LHX8: variants seen among roughly 807,000 people sequenced by gnomAD.
The protein encoded by LHX8 is LIM/homeobox protein Lhx8.
A neutral mutation model predicts 40.3 loss-of-function variants in LHX8; 12 were observed. The observed-to-expected ratio is 0.30, with a 90% confidence interval of 0.19 to 0.48. The LOEUF (loss-of-function observed/expected upper bound fraction) is 0.48. Ranked by LOEUF, LHX8 falls within the 20% of genes least tolerant of loss-of-function variation. The pLI is 0.99. For missense variants in LHX8, 344 were observed against 433.7 expected (o/e 0.79, Z 1.84); for synonymous variants, 179 against 162.0 (o/e 1.10, Z -0.80).
At position 75,141,010 on chromosome 1, in the gene LHX8, G is replaced by C; in HGVS notation, c.263G>C (p.Arg88Pro). Residue 88 changes from arginine to proline, a missense_variant, in exon 4 of 9, where the codon CGG becomes CCG. Arg to Pro is a moderately radical substitution (Grantham distance 103, BLOSUM62 -2). This residue lies in a region of LHX8 where 147 missense variants were observed against 250.8 expected (regional missense o/e 0.59). Coordinates refer to ENST00000356261, the MANE Select transcript of LHX8 (RefSeq NM_001256114.2). ...LKVNDLCWHV[R>P]CLSCSVCRTS... ...GTGAATGACCTATGCTGGCATGTCC[G>C]GTGTCTCTCCTGCAGTGTTTGCAGA... 1 of 1,613,398 alleles carries C rather than the reference G, an allele frequency of 6.2e-7. No homozygotes were observed. The highest frequency in any genetic ancestry group is 8.5e-7 in the Non-Finnish European group (1 of 1,179,556).
rs1276222256 is a variant in LHX8, at chr1:75,157,035, A to G, written c.923A>G (p.Gln308Arg). The change falls in exon 8 of 9, where the codon CAA (glutamine) becomes CGA (arginine). Residue 308 changes from glutamine to arginine, a missense_variant. Gln to Arg is a conservative substitution (Grantham distance 43, BLOSUM62 1). This residue lies in a region of LHX8 where 89 missense variants were observed against 92.8 expected (regional missense o/e 0.96). Transcript: ENST00000356261. ...ATGGCTTATTCTGCCTACGTGCCCC[A>G]AGATGGAACGATGTTAACTGCGCTG... is the stretch of plus-strand genomic sequence containing the variant. ...EEMAYSAYVP[Q>R]DGTMLTALHS... 2 of 1,614,168 alleles carry G rather than the reference A, an allele frequency of 1.2e-6. No individual in the cohort carries two copies. The highest frequency in any genetic ancestry group is 1.6e-4 in the Middle Eastern group (1 of 6,062).
At chr1:75,143,019 A>G (rs955528799) in intron 4 of LHX8, 99 bp from the exon 5 acceptor site, 10 of 899,844 alleles carry the variant, frequency 1.1e-5, no homozygotes, top group Non-Finnish European at 1.3e-5. Flanking sequence ...TACTTAGGTT[A>G]TTTCAATGGG....
upstream of LHX8, chr1:75,131,037 G>GGCGGTGA: frequency 2.2e-6 from 1 of 447,190 alleles, no homozygotes; most frequent in Non-Finnish European, 4.1e-6. Context: ...CCTGGAGGTG[G>GGCGGTGA]GCGGTGAGGG....
At chr1:75,193,645 A>C in the LHX8 span, among the ~76,000 whole-genome samples, 3 of 152,204 alleles carry the variant, frequency 2.0e-5, no homozygotes, top group African/African-American at 7.2e-5. Flanking sequence ...TTCGTAGTAA[A>C]TAAAATCTCT....
In LHX8 at chr1:75,149,812, G is replaced by T. The variant is rs115488759; in HGVS notation, c.780+1130G>T. ...TCCTCCTCCCTTGGCCTCCCAAAGT[G>T]CTGGAATTATTGGCAATGAGCCACC... On this transcript the variant is annotated intron_variant, in intron 7 of 8. Coordinates refer to ENST00000356261, the MANE Select transcript of LHX8 (RefSeq NM_001256114.2). Among the ~76,000 whole-genome samples, 836 of 152,288 alleles carry T rather than the reference G, an allele frequency of 5.5e-3. 11 individuals are homozygous for T. The highest frequency in any genetic ancestry group is 0.02 in the African/African-American group (814 of 41,564).
the LHX8 span, among the ~76,000 whole-genome samples, chr1:75,185,665 A>G: frequency 1.2e-4 from 18 of 152,168 alleles, no homozygotes; most frequent in Non-Finnish European, 2.5e-4. Context: ...CACCACTCCT[A>G]TTCAACATAG....
At chr1:75,138,954 A>C (rs1353170690) in intron 3 of LHX8, among the ~76,000 whole-genome samples, 3 of 152,106 alleles carry the variant, frequency 2.0e-5, no homozygotes, top group Admixed American at 6.5e-5. Flanking sequence ...CTAAAGTTTG[A>C]TACTATATGA....
the LHX8 span, among the ~76,000 whole-genome samples, chr1:75,176,737 A>T: frequency 6.6e-6 from 1 of 152,170 alleles, no homozygotes; most frequent in African/African-American, 2.4e-5. Context: ...TTAGTCATGA[A>T]GTCCTCGCCC....
chr1:75,152,689 T>C (rs573674166), intron 7 of LHX8, among the ~76,000 whole-genome samples: 11 of 152,310 alleles, frequency 7.2e-5, no homozygotes, highest in Admixed American at 3.9e-4. Context: ...ATAGGGCCTT[T>C]ATACAAACAT....
chr1:75,156,939 C>G lies in LHX8; in HGVS notation c.827C>G (p.Pro276Arg), dbSNP rs200810970. 1 of 1,614,160 alleles carries G rather than the reference C, an allele frequency of 6.2e-7. No homozygotes were observed. Among genetic ancestry groups the G allele is most frequent in the Admixed American group, 1.7e-5 (1 of 60,022 alleles). ...GCACGCCACAAGAAACACGTCAGTC[C>G]TAATCACTCATCCTCCACCCCAGTC... Reference protein sequence around the residue: ...CRARHKKHVSPNHSSSTPVTA... With the variant: ...CRARHKKHVSRNHSSSTPVTA... Residue 276 changes from proline to arginine, a missense_variant, in exon 8 of 9, where the codon CCT becomes CGT. By Grantham distance (103) the Pro-to-Arg change is moderately radical. Around this residue, in one of 3 missense-constraint regions of LHX8, gnomAD observed 89 missense variants for 92.8 expected, o/e 0.96. Coordinates refer to ENST00000356261, the MANE Select transcript of LHX8 (RefSeq NM_001256114.2).
At chr1:75,191,757 TA>T in the LHX8 span, among the ~76,000 whole-genome samples, 1 of 152,110 alleles carries the variant, frequency 6.6e-6, no homozygotes. Context: ...TAAAGAATAT[TA>T]AAAAGGATAT....
intron 7 of LHX8, among the ~76,000 whole-genome samples, chr1:75,151,204 CTG>C (rs1250153724): frequency 6.6e-6 from 1 of 152,114 alleles, no homozygotes; most frequent in Non-Finnish European, 1.5e-5. Context: ...TGGAAAAGAC[CTG>C]ATGATACTGC....
rs116296974 is a variant in LHX8, at chr1:75,158,349, C to T, written c.964+1273C>T. The stretch of plus-strand genomic sequence containing the variant: ...CTACTTAGTTGCTTGGCTTTTTCTA[C>T]TCTCTTAATGGAATGTTTCATTGAG... On this transcript the variant is annotated intron_variant, in intron 8 of 8. Transcript: ENST00000356261. Among the ~76,000 whole-genome samples the T allele has an allele frequency of 4.0e-3, 616 of 152,202 alleles. 6 individuals carry two copies. Among genetic ancestry groups the T allele is most frequent in the African/African-American group, 0.014 (578 of 41,546 alleles).
At chr1:75,145,952 T>A (rs1204884219) in intron 6 of LHX8, among the ~76,000 whole-genome samples, 1 of 152,158 alleles carries the variant, frequency 6.6e-6, no homozygotes, top group Non-Finnish European at 1.5e-5. Context: ...TAATATGCTT[T>A]CAAAGTATAT....
chr1:75,163,472 T>C (rs183127241), downstream of LHX8, among the ~76,000 whole-genome samples: 124 of 152,326 alleles, frequency 8.1e-4, no homozygotes, highest in African/African-American at 2.9e-3. Context: ...GTACCAAAAG[T>C]ATATTAGTGT....
At chr1:75,171,448 A>C in the LHX8 span, among the ~76,000 whole-genome samples, 1 of 151,368 alleles carries the variant, frequency 6.6e-6, no homozygotes, top group African/African-American at 2.4e-5. Flanking sequence ...TATTTAGTAT[A>C]TTTTCTCTAC....
chr1:75,163,182 G>A (rs955051468), downstream of LHX8, among the ~76,000 whole-genome samples: 2 of 152,040 alleles, frequency 1.3e-5, no homozygotes, highest in Non-Finnish European at 2.9e-5. Flanking sequence ...CACATCACTC[G>A]TTGTAAATTA....
In LHX8 at chr1:75,143,904, C is replaced by T. The variant is rs1648390465; in HGVS notation, c.640C>T (p.Pro214Ser). The stretch of plus-strand genomic sequence containing the variant: ...AGAGCAAGATGTTAACCATCCAAAA[C>T]CAGCAAAAAGAGCTCGGACCAGCTT... ...LTEQDVNHPK[P>S]AKRARTSFTA... Residue 214 changes from proline (P) to serine (S), a missense_variant, in exon 6 of 9, where the codon CCA (proline) becomes TCA (serine). Pro to Ser is a moderately conservative substitution (Grantham distance 74). This residue lies in a region of LHX8 where 147 missense variants were observed against 250.8 expected (regional missense o/e 0.59). Coordinates refer to ENST00000356261, the MANE Select transcript of LHX8 (RefSeq NM_001256114.2). 1.9e-6 allele frequency: 3 copies of T among 1,613,236 alleles called. No individual in the cohort carries two copies. Among genetic ancestry groups the T allele is most frequent in the Admixed American group, 3.3e-5 (2 of 59,940 alleles).
chr1:75,191,754 T>C, the LHX8 span, among the ~76,000 whole-genome samples: 1 of 152,152 alleles, frequency 6.6e-6, no homozygotes. Context: ...GACTAAAGAA[T>C]ATTAAAAAGG....
Sources: allele counts gnomAD v4.1 joint callset (sites outside exome capture counted in the v4.1 genomes callset), GRCh38; gene constraint gnomAD v4.1.1; regional missense constraint gnomAD v4.1.1; transcripts MANE v1.5; gene names NCBI Gene and HGNC (gene_info 2026-07-23, HGNC 2026-07-21).